The following PLEKHA1 variants were observed in gnomAD, a reference collection of about 807,000 sequenced individuals.
PLEKHA1 encodes the protein pleckstrin homology domain-containing family A member 1.
Under a neutral mutation model 52.0 loss-of-function variants are expected in PLEKHA1, and 34 were observed. The ratio of observed to expected loss-of-function variants is 0.65; its 90% confidence interval spans 0.50 to 0.87. PLEKHA1 has a LOEUF of 0.87. Among genes scored for constraint, PLEKHA1 ranks in the 40% least tolerant of loss-of-function variants. The pLI is 0.00. For synonymous variants in PLEKHA1, 163 were observed against 170.7 expected (o/e 0.95, Z 0.35); for missense variants, 497 against 504.2 (o/e 0.99, Z 0.14).
At chr10:122,406,532 G>A (rs1368220434) in intron 4 of PLEKHA1, 44 bp from the exon 5 acceptor site, 1 of 1,464,262 alleles carries the variant, frequency 6.8e-7, no homozygotes, top group African/African-American at 1.4e-5. Flanking sequence ...AAATTTAGAG[G>A]TAATAAGTAC....
chr10:122,390,706 A>T (rs1357618496), intron 1 of PLEKHA1, among the ~76,000 whole-genome samples: 1 of 152,234 alleles, frequency 6.6e-6, no homozygotes, highest in Non-Finnish European at 1.5e-5. Flanking sequence ...TCTTGAGCCC[A>T]GTAGTTTGAG....
chr10:122,386,060 C>G (rs150396222), intron 1 of PLEKHA1, among the ~76,000 whole-genome samples: 252 of 152,328 alleles, frequency 1.7e-3, no homozygotes, highest in African/African-American at 6.0e-3. Flanking sequence ...AACTGCCAAA[C>G]TGTTTTCCAA....
intron 1 of PLEKHA1, among the ~76,000 whole-genome samples, chr10:122,382,010 C>A (rs1356134261): frequency 6.6e-6 from 1 of 152,082 alleles, no homozygotes; most frequent in Non-Finnish European, 1.5e-5. Flanking sequence ...GGAAAGAGAT[C>A]CACAGACCAC....
intron 4 of PLEKHA1, among the ~76,000 whole-genome samples, chr10:122,406,359 T>G (rs2097015233): frequency 6.6e-6 from 1 of 152,210 alleles, no homozygotes; most frequent in Non-Finnish European, 1.5e-5. Flanking sequence ...CTAAATGTAT[T>G]GTGGTGTATC....
Position 122,400,295 on chromosome 10 carries a change from T to A in PLEKHA1, c.199-48T>A, listed in dbSNP as rs529548166. 3.1e-5 allele frequency: 48 copies of A among 1,531,838 alleles called. No homozygotes were observed. In the South Asian group the frequency reaches 5.5e-4, roughly 17 times the overall value. 94.9% of individuals were successfully genotyped at this position (1,531,838 alleles called of 1,614,324 possible). On this transcript the variant is annotated intron_variant, in intron 3 of 11. Coordinates refer to ENST00000368990, the MANE Select transcript of PLEKHA1 (RefSeq NM_001001974.4). Reference sequence around the variant, plus strand: ...TTTACATAGTATATAAGGTTGGTTTTAGGATTATATGGAGAAGTGAGGAAC... The same window carrying A: ...TTTACATAGTATATAAGGTTGGTTTAAGGATTATATGGAGAAGTGAGGAAC...
chr10:122,425,749 ATTTG>A (rs1231309852), intron 10 of PLEKHA1: 1 of 149,648 alleles, frequency 6.7e-6, no homozygotes, highest in African/African-American at 2.5e-5. Flanking sequence ...AAAAGGGATG[ATTTG>A]TTTTTGTTTT....
chr10:122,377,850 T>C (rs569591065), intron 1 of PLEKHA1, among the ~76,000 whole-genome samples: 2 of 152,326 alleles, frequency 1.3e-5, no homozygotes, highest in Admixed American at 1.3e-4. Context: ...ATTGATAATA[T>C]TCAGGAAGAT....
intron 1 of PLEKHA1, among the ~76,000 whole-genome samples, chr10:122,376,887 C>T (rs2096546100): frequency 6.6e-6 from 1 of 152,110 alleles, no homozygotes; most frequent in South Asian, 2.1e-4. Flanking sequence ...TAGGATATGA[C>T]AATATTGACC....
intron 5 of PLEKHA1, among the ~76,000 whole-genome samples, chr10:122,409,119 C>T (rs1326007151): frequency 6.6e-6 from 1 of 152,022 alleles, no homozygotes; most frequent in East Asian, 1.9e-4. Flanking sequence ...TGTGACTTTC[C>T]TTACTTGAGT....
At chr10:122,428,271 T>G in intron 11 of PLEKHA1, 1 of 1,539,988 alleles carries the variant, frequency 6.5e-7, no homozygotes, top group Middle Eastern at 1.8e-4. Flanking sequence ...TGCACTGTGT[T>G]CCAGATGCGG....
At chr10:122,407,844 A>G (rs991657266) in intron 5 of PLEKHA1, among the ~76,000 whole-genome samples, 3 of 152,208 alleles carry the variant, frequency 2.0e-5, no homozygotes, top group Non-Finnish European at 4.4e-5. Context: ...AAGTCAGCAT[A>G]TGTTAGTCAC....
chr10:122,381,224 G>T (rs1018535712), intron 1 of PLEKHA1, among the ~76,000 whole-genome samples: 1 of 149,840 alleles, frequency 6.7e-6, no homozygotes, highest in African/African-American at 2.4e-5. Context: ...GGGAGGTCAT[G>T]GTCACTTGGA....
intron 1 of PLEKHA1, 82 bp downstream of exon 1, chr10:122,374,888 G>A (rs911367625): frequency 6.5e-6 from 1 of 154,914 alleles, no homozygotes; most frequent in South Asian, 1.8e-4. Context: ...GCGGCTGCGG[G>A]GCTGCCGGGC....
At chr10:122,419,293 A>C (rs2097223069) in intron 8 of PLEKHA1, 1 of 152,190 alleles carries the variant, frequency 6.6e-6, no homozygotes. Flanking sequence ...TTTTATGATC[A>C]CAGGGCCTGG....
chr10:122,391,413 T>C (rs1246610350), intron 1 of PLEKHA1, among the ~76,000 whole-genome samples: 1 of 152,204 alleles, frequency 6.6e-6, no homozygotes, highest in Non-Finnish European at 1.5e-5. Flanking sequence ...AGCTCTTAAA[T>C]TGTTAATCCA....
intron 10 of PLEKHA1, 187 bp downstream of exon 10, chr10:122,425,146 G>A: frequency 2.5e-6 from 1 of 404,668 alleles, no homozygotes; most frequent in Non-Finnish European, 4.3e-6. Context: ...GGAAGTGGGA[G>A]TATTTGTTAT....
At chr10:122,428,398 C>T (rs1349814779) in intron 11 of PLEKHA1, 1 of 1,499,540 alleles carries the variant, frequency 6.7e-7, no homozygotes, top group Non-Finnish European at 8.9e-7. Flanking sequence ...CCCAGACTTA[C>T]TACTTACAAC....
Position 122,426,871 on chromosome 10 carries a change from A to G in PLEKHA1, c.811-71A>G. On this transcript the variant is annotated intron_variant, in intron 10 of 11. Transcript: ENST00000368990. ...TGACAGTATTTTAAGTTATCAAAAT[A>G]AATACATTGGCTGTATAGAAGTAGG... The G allele has an allele frequency of 3.2e-6, 4 of 1,263,200 alleles. No homozygotes were observed. The East Asian group carries it at 9.5e-5, about 30-fold the overall frequency. The allele number at this position is 1,263,200 out of a possible 1,614,324, so 78.2% of individuals were successfully genotyped here.
At chr10:122,417,663 A>AC (rs61324841) in intron 7 of PLEKHA1, among the ~76,000 whole-genome samples, 7 of 149,410 alleles carry the variant, frequency 4.7e-5, no homozygotes, top group Non-Finnish European at 7.5e-5. Context: ...AAAAAAAAAA[A>AC]CACATAAAAT....
Sources: allele counts gnomAD v4.1 joint callset (sites outside exome capture counted in the v4.1 genomes callset), GRCh38; gene constraint gnomAD v4.1.1; transcripts MANE v1.5; gene names NCBI Gene and HGNC (gene_info 2026-07-23, HGNC 2026-07-21).